The following TMEM135 variants were observed in gnomAD, a reference collection of about 807,000 sequenced individuals.
The protein encoded by TMEM135 is peroxisomal membrane protein 52.
In TMEM135, 30 loss-of-function variants were observed where a neutral mutation model predicts 60.3. That is an observed-to-expected ratio of 0.50 (90% CI 0.37 to 0.68). The LOEUF (loss-of-function observed/expected upper bound fraction) is 0.68. TMEM135 is among the 30% of genes least tolerant of loss of function. The pLI is 0.00. For synonymous variants in TMEM135, 190 were observed against 186.7 expected (o/e 1.02, Z -0.14); for missense variants, 468 against 548.8 (o/e 0.85, Z 1.47).
At chr11:87,148,707 A>C (rs1938478089) in intron 4 of TMEM135, among the ~76,000 whole-genome samples, 1 of 152,184 alleles carries the variant, frequency 6.6e-6, no homozygotes, top group Admixed American at 6.5e-5. Flanking sequence ...AGGAAGATTG[A>C]AGATGTAGTT....
chr11:87,162,371 A>G (rs1270213874), intron 5 of TMEM135, among the ~76,000 whole-genome samples: 1 of 152,052 alleles, frequency 6.6e-6, no homozygotes, highest in African/African-American at 2.4e-5. Context: ...TCCCTCCCCT[A>G]GCCCTCCAAC....
intron 5 of TMEM135, among the ~76,000 whole-genome samples, chr11:87,166,544 C>G (rs910777920): frequency 1.3e-5 from 2 of 151,706 alleles, no homozygotes; most frequent in African/African-American, 4.9e-5. Context: ...TTTCCCAACA[C>G]CATTTATTAA....
chr11:87,134,038 G>T (rs1938016488), intron 4 of TMEM135, among the ~76,000 whole-genome samples: 1 of 151,224 alleles, frequency 6.6e-6, no homozygotes, highest in African/African-American at 2.4e-5. Flanking sequence ...TTCCCTAGGG[G>T]TGCTGGTTAT....
At chr11:87,115,071 G>A (rs1857844937) in intron 4 of TMEM135, among the ~76,000 whole-genome samples, 1 of 152,146 alleles carries the variant, frequency 6.6e-6, no homozygotes, top group Non-Finnish European at 1.5e-5. Flanking sequence ...TGTAAGAGAA[G>A]CTCTAGTCAA....
In TMEM135 at chr11:87,295,899, A is replaced by G. The variant is rs1229830418; in HGVS notation, c.551+76A>G. The G allele has an allele frequency of 9.4e-5, 110 of 1,167,716 alleles. 1 individual carries two copies. The Middle Eastern group carries it at 4.0e-3, about 42-fold the overall frequency. 72.3% of individuals were successfully genotyped at this position (1,167,716 alleles called of 1,614,324 possible). On this transcript the variant is annotated intron_variant, in intron 7 of 14. Transcript: ENST00000305494. ...AAAATTATACATAATTACAATAAAT[A>G]GGTATTGACTAAGCATTTAAACTGA...
intron 5 of TMEM135, among the ~76,000 whole-genome samples, chr11:87,163,809 T>C (rs1938959089): frequency 1.4e-5 from 2 of 140,452 alleles, no homozygotes; most frequent in Non-Finnish European, 3.1e-5. Context: ...CATTTTTTCA[T>C]GTGTTTTTTG....
chr11:87,263,502 T>C (rs1232828626), intron 6 of TMEM135, among the ~76,000 whole-genome samples: 1 of 152,168 alleles, frequency 6.6e-6, no homozygotes, highest in Non-Finnish European at 1.5e-5. Context: ...TAGGAACTGG[T>C]TGACATATTT....
chr11:87,316,585 A>C (rs1405990293), intron 12 of TMEM135, among the ~76,000 whole-genome samples: 1 of 152,068 alleles, frequency 6.6e-6, no homozygotes, highest in Non-Finnish European at 1.5e-5. Flanking sequence ...GGATGATAGC[A>C]GTAGAGATGG....
At chr11:87,099,114 C>G (rs1289993028) in intron 4 of TMEM135, among the ~76,000 whole-genome samples, 1 of 152,150 alleles carries the variant, frequency 6.6e-6, no homozygotes, top group African/African-American at 2.4e-5. Flanking sequence ...TTTAGACACT[C>G]ACATGCTTTT....
At chr11:87,234,445 C>G (rs1158142010) in intron 5 of TMEM135, among the ~76,000 whole-genome samples, 1 of 151,946 alleles carries the variant, frequency 6.6e-6, no homozygotes, top group Non-Finnish European at 1.5e-5. Flanking sequence ...ACTGTAATAT[C>G]CTTTTGATTT....
chr11:87,297,474 T>C (rs1204464821), intron 7 of TMEM135, among the ~76,000 whole-genome samples: 3 of 152,248 alleles, frequency 2.0e-5, no homozygotes, highest in Non-Finnish European at 4.4e-5. Context: ...GATTTTCTTA[T>C]TGTTGTTGCA....
intron 5 of TMEM135, among the ~76,000 whole-genome samples, chr11:87,174,334 T>A (rs1939316295): frequency 6.6e-6 from 1 of 152,182 alleles, no homozygotes; most frequent in Admixed American, 6.6e-5. Flanking sequence ...GATTCACTTC[T>A]GCCAATATCC....
intron 6 of TMEM135, among the ~76,000 whole-genome samples, chr11:87,257,893 G>T (rs1470521601): frequency 6.6e-6 from 1 of 152,042 alleles, no homozygotes; most frequent in Non-Finnish European, 1.5e-5. Context: ...ATAAAACTGT[G>T]AATGTATTTT....
chr11:87,085,244 A>G (rs1396708257), intron 3 of TMEM135, among the ~76,000 whole-genome samples: 1 of 152,220 alleles, frequency 6.6e-6, no homozygotes, highest in Non-Finnish European at 1.5e-5. Flanking sequence ...CCCTTCAGAG[A>G]TAATATTCTC....
At chr11:87,102,720 ATATATATGTATATATATATG>A (rs1857489573) in intron 4 of TMEM135, among the ~76,000 whole-genome samples, 3 of 131,914 alleles carry the variant, frequency 2.3e-5, no homozygotes, top group South Asian at 5.0e-4. Context: ...ATATGTATAT[ATATATATGTATATATATATG>A]TATATATGTA....
chr11:87,043,649 G>T (rs536078480), intron 1 of TMEM135, among the ~76,000 whole-genome samples: 3 of 152,090 alleles, frequency 2.0e-5, no homozygotes, highest in African/African-American at 7.2e-5. Flanking sequence ...CTTGAACCTG[G>T]GAGGCGGAGG....
chr11:87,282,871 A>G (rs549852648), intron 6 of TMEM135, among the ~76,000 whole-genome samples: 1 of 152,282 alleles, frequency 6.6e-6, no homozygotes, highest in African/African-American at 2.4e-5. Context: ...TTTTTCTAAT[A>G]CCATTCTATG....
intron 5 of TMEM135, among the ~76,000 whole-genome samples, chr11:87,185,194 C>T (rs1294467649): frequency 1.3e-5 from 2 of 152,116 alleles, no homozygotes; most frequent in African/African-American, 4.8e-5. Flanking sequence ...CTATTCATCT[C>T]ACTGAAAAAT....
At chr11:87,109,968 A>G (rs1043604480) in intron 4 of TMEM135, among the ~76,000 whole-genome samples, 33 of 152,164 alleles carry the variant, frequency 2.2e-4, no homozygotes, top group African/African-American at 8.0e-4. Context: ...TCTTCCTCTT[A>G]ATGGAATGGA....
Sources: allele counts gnomAD v4.1 joint callset (sites outside exome capture counted in the v4.1 genomes callset), GRCh38; gene constraint gnomAD v4.1.1; transcripts MANE v1.5; gene names NCBI Gene and HGNC (gene_info 2026-07-23, HGNC 2026-07-21).